USH1C: variants seen among roughly 807,000 people sequenced by gnomAD.
The protein encoded by USH1C is harmonin.
Under a neutral mutation model 119.3 loss-of-function variants are expected in USH1C, and 90 were observed. That is an observed-to-expected ratio of 0.75 (90% CI 0.64 to 0.90). The LOEUF is 0.90. Ranked by LOEUF, USH1C falls within the 40% of genes least tolerant of loss-of-function variation. USH1C has a pLI of 0.00. For synonymous variants in USH1C, 465 were observed against 443.3 expected, an observed-to-expected ratio of 1.05 and a Z score of -0.62; for missense variants, 1,165 against 1,167.7, an observed-to-expected ratio of 1.00 and a Z score of 0.03.
Position 17,494,453 on chromosome 11 carries a change from A to G in USH1C, c.2656-77T>C, listed in dbSNP as rs1849174086. 20 of 1,505,634 alleles carry G rather than the reference A, an allele frequency of 1.3e-5. 1 individual carries two copies. The South Asian group carries it at 2.0e-4, about 15-fold the overall frequency. The allele number at this position is 1,505,634 out of a possible 1,614,324, so 93.3% of individuals were successfully genotyped here. On this transcript the variant is annotated intron_variant, in intron 26 of 26. Transcript: ENST00000005226. ...CTCAGCCCAGCCAGAGCAAGGCCCC[A>G]CAAGGGGGAGTACCCACTCTGGCAG...
At chr11:17,495,547 T>C in intron 26 of USH1C, 22 bp downstream of exon 26, 2 of 1,610,938 alleles carry the variant, frequency 1.2e-6, no homozygotes, top group South Asian at 1.1e-5. Context: ...CACAGGGCCC[T>C]GTGGCCCGCC....
chr11:17,511,908 G>A lies in USH1C; in HGVS notation c.1407C>T (p.Ala469=). The part of the protein sequence containing the change: ...KEKQLKINRL[A]QEVSETERED... ...CTGCAGGCAGGACACATACCTCCTG[G>A]GCCAGCCGGTTGATCTTTAGCTGCT... Residue 469 remains alanine (A), a synonymous_variant, in exon 16 of 27, where the codon GCC becomes GCT. Transcript: ENST00000005226. The A allele has an allele frequency of 1.2e-6, 2 of 1,613,656 alleles. No homozygotes were observed. Among genetic ancestry groups the A allele is most frequent in the South Asian group, 1.1e-5 (1 of 91,004 alleles).
At chr11:17,536,719 G>T (rs1467277961) in intron 1 of USH1C, among the ~76,000 whole-genome samples, 4 of 152,198 alleles carry the variant, frequency 2.6e-5, no homozygotes, top group African/African-American at 9.7e-5. Context: ...TCCCAAGTGG[G>T]ACTCAGCTGC....
Position 17,523,528 on chromosome 11 carries a change from C to A in USH1C, c.760-50G>T, listed in dbSNP as rs756324489. 4 of 1,594,566 alleles carry A rather than the reference C, an allele frequency of 2.5e-6. No individual in the cohort carries two copies. The African/African-American group carries it at 4.0e-5, about 16-fold the overall frequency. ...AGTGTGTTTGCGCTATCTGTACACT[C>A]GCTCATCTGCAGGACAGGCTCCCCC... On this transcript the variant is annotated intron_variant, in intron 9 of 26. Coordinates refer to ENST00000005226, the MANE Select transcript of USH1C (RefSeq NM_153676.4).
At chr11:17,528,278 G>GT (rs1850798923) in intron 4 of USH1C, among the ~76,000 whole-genome samples, 1 of 152,212 alleles carries the variant, frequency 6.6e-6, no homozygotes, top group African/African-American at 2.4e-5. Flanking sequence ...GCCCTGGGCA[G>GT]CCAGCCCTGG....
chr11:17,516,164 A>T, intron 15 of USH1C, 77 bp downstream of exon 15: 1 of 1,505,608 alleles, frequency 6.6e-7, no homozygotes, highest in Admixed American at 1.7e-5. Flanking sequence ...TGTTGATAGG[A>T]CAAGGAATGT....
intron 14 of USH1C, among the ~76,000 whole-genome samples, chr11:17,520,260 G>A (rs1475966853): frequency 2.0e-5 from 3 of 152,194 alleles, no homozygotes; most frequent in Non-Finnish European, 4.4e-5. Flanking sequence ...CGGATGAAGA[G>A]AGGAGATGGT....
chr11:17,498,200 CCTCAGCCAGGGTGTAGTCTGT>C lies in USH1C; in HGVS notation c.2431_2451del (p.Thr811_Glu817del), dbSNP rs779253356. 8.1e-6 allele frequency: 13 copies of C among 1,614,098 alleles called. No individual in the cohort carries two copies. Among genetic ancestry groups the C allele is most frequent in the Non-Finnish European group, 1.1e-5 (13 of 1,180,042 alleles). ...CAGGCCTTCTGCAGGGCAGCCTCAG[CCTCAGCCAGGGTGTAGTCTGT>C]CACAATCTTGCCGTTGATTGCCATG... On this transcript the variant is annotated inframe_deletion, in exon 24 of 27. Transcript: ENST00000005226.
intron 14 of USH1C, 95 bp from the exon 15 acceptor site, chr11:17,516,385 T>C: frequency 8.0e-7 from 1 of 1,248,410 alleles, no homozygotes; most frequent in Non-Finnish European, 1.2e-6. Flanking sequence ...AAGGAATGCA[T>C]GACTTTGTGA....
chr11:17,528,932 C>T (rs749073979), intron 4 of USH1C, among the ~76,000 whole-genome samples: 1 of 152,206 alleles, frequency 6.6e-6, no homozygotes, highest in Admixed American at 6.5e-5. Context: ...CTCTGTTAAT[C>T]GGATGAGAAA....
At chr11:17,524,600 G>T (rs1850575782) in intron 8 of USH1C, 65 bp from the exon 9 acceptor site, 1 of 1,526,258 alleles carries the variant, frequency 6.6e-7, no homozygotes, top group African/African-American at 1.4e-5. Context: ...CAGGATACAG[G>T]TCACTCATGA....
rs926817417 is a variant in USH1C, at chr11:17,533,356, G to A, written c.37-34C>T. 11 of 1,491,658 alleles carry A rather than the reference G, an allele frequency of 7.4e-6. No individual in the cohort carries two copies. In the East Asian group the frequency reaches 2.3e-4, roughly 31 times the overall value. 92.4% of individuals were successfully genotyped at this position (1,491,658 alleles called of 1,614,324 possible). ...TCCAATAGCAGAATCACAGCTCCAG[G>A]CTCAGCACCCGCCCCCATAGCAGAC... On this transcript the variant is annotated intron_variant, in intron 1 of 26. Coordinates refer to ENST00000005226, the MANE Select transcript of USH1C (RefSeq NM_153676.4).
At position 17,511,470 on chromosome 11, in the gene USH1C, G is replaced by A. The variant is rs558173727; in HGVS notation, c.1413+432C>T. Among the ~76,000 whole-genome samples the A allele has an allele frequency of 6.5e-4, 99 of 152,282 alleles. 1 individual carries two copies. The highest frequency in any genetic ancestry group is 2.2e-3 in the African/African-American group (91 of 41,558). ...GGGTTAGCCGCAGACCATACTCTAA[G>A]TAGCCTCAGAGCCACACCTGAGATG... On this transcript the variant is annotated intron_variant, in intron 16 of 26. Coordinates refer to ENST00000005226, the MANE Select transcript of USH1C (RefSeq NM_153676.4).
chr11:17,517,999 G>A (rs1234501621), intron 14 of USH1C, among the ~76,000 whole-genome samples: 1 of 152,224 alleles, frequency 6.6e-6, no homozygotes, highest in African/African-American at 2.4e-5. Flanking sequence ...CAGTTAGGAA[G>A]ACCTGAATTT....
Position 17,531,311 on chromosome 11 carries a change from C to A in USH1C, c.249-19G>T. ...CAGCTTCCTGCCACACAGGAGAGGT[C>A]GGTGATGGTGCAGCTTGGCTGCCAG... is the stretch of plus-strand genomic sequence containing the variant. On this transcript the variant is annotated intron_variant, in intron 3 of 26. Coordinates refer to ENST00000005226, the MANE Select transcript of USH1C (RefSeq NM_153676.4). This position sits in a 1 kb window ranked among gnomAD's most constrained non-coding sequence, Gnocchi z 4.2. 6.2e-7 allele frequency: 1 copy of A among 1,614,126 alleles called. No individual in the cohort carries two copies.
chr11:17,495,418 G>A, intron 26 of USH1C, 151 bp downstream of exon 26: 1 of 827,418 alleles, frequency 1.2e-6, no homozygotes. Context: ...TTCCACTGTG[G>A]CCAACAGCAG....
At chr11:17,539,891 G>A (rs1311591769) in intron 1 of USH1C, among the ~76,000 whole-genome samples, 1 of 144,136 alleles carries the variant, frequency 6.9e-6, no homozygotes, top group African/African-American at 2.6e-5. Context: ...GGAGTGCAGT[G>A]GTGTGACCAC....
intron 1 of USH1C, among the ~76,000 whole-genome samples, chr11:17,536,312 C>T (rs1409120013): frequency 6.6e-6 from 1 of 152,242 alleles, no homozygotes; most frequent in Non-Finnish European, 1.5e-5. Context: ...CCTCTTATCC[C>T]TCTTTGCAGA....
At position 17,533,560 on chromosome 11, in the gene USH1C, C is replaced by A. The variant is rs1851093358; in HGVS notation, c.37-238G>T. ...CTGCCCCTCCAGATGTGGCCAGGCA[C>A]CCTTTGTCCCCAGGTGGGGCAATAT... On this transcript the variant is annotated intron_variant, in intron 1 of 26. Transcript: ENST00000005226. The A allele has an allele frequency of 2.2e-4, 140 of 629,480 alleles. No individual in the cohort carries two copies. In the South Asian group the frequency reaches 2.4e-3, roughly 11 times the overall value. The allele number at this position is 629,480 out of a possible 1,614,324, so 39.0% of individuals were successfully genotyped here.
Sources: allele counts gnomAD v4.1 joint callset (sites outside exome capture counted in the v4.1 genomes callset), GRCh38; gene constraint gnomAD v4.1.1; non-coding constraint Gnocchi (gnomAD v3.1); transcripts MANE v1.5; gene names NCBI Gene and HGNC (gene_info 2026-07-23, HGNC 2026-07-21).